The following RALYL variants were observed in gnomAD, a reference collection of about 807,000 sequenced individuals.
RALYL encodes RNA-binding Raly-like protein.
A neutral mutation model predicts 35.1 loss-of-function variants in RALYL; 29 were observed. The ratio of observed to expected loss-of-function variants is 0.83; its 90% CI spans 0.61 to 1.13. RALYL has a LOEUF of 1.13. Ranked by LOEUF, RALYL falls within the 50% of genes most tolerant of loss-of-function variation. The probability of loss-of-function intolerance (pLI) is 0.00; values close to 1 mark genes in which losing one functional copy is unlikely to be tolerated. For synonymous variants in RALYL, 120 were observed against 127.6 expected, an observed-to-expected ratio of 0.94 and a Z score of 0.40; for missense variants, 359 against 360.4, an observed-to-expected ratio of 1.00 and a Z score of 0.03.
rs1563800083 is a variant in RALYL, at chr8:84,367,331, T to A, written c.-23-161968T>A. Among the ~76,000 whole-genome samples the A allele has an allele frequency of 1.3e-3, 33 of 25,208 alleles. 4 individuals are homozygous for A. Among genetic ancestry groups the A allele is most frequent in the African/African-American group, 7.1e-3 (24 of 3,360 alleles). The allele number at this position is 25,208 out of a possible 152,430, so 16.5% of individuals were successfully genotyped here. A position where few individuals can be genotyped will look rare whatever the true frequency, so the allele number is the denominator to read the frequency against. On this transcript the variant is annotated intron_variant, in intron 1 of 8. Transcript: ENST00000521268. Reference sequence around the variant, plus strand: ...ACTAATTTTTGTATTTTTTTTTTTTTTTTTTTTTTTTTTTTTTTTTTTTTT... The same window carrying A: ...ACTAATTTTTGTATTTTTTTTTTTTATTTTTTTTTTTTTTTTTTTTTTTTT...
intron 2 of RALYL, among the ~76,000 whole-genome samples, chr8:84,597,876 A>G (rs959192335): frequency 2.6e-5 from 4 of 152,146 alleles, no homozygotes; most frequent in Admixed American, 2.6e-4. Flanking sequence ...GAAGTTTAAA[A>G]TATTTAATAT....
intron 1 of RALYL, among the ~76,000 whole-genome samples, chr8:84,497,923 G>T (rs780365220): frequency 1.1e-4 from 17 of 150,944 alleles, no homozygotes; most frequent in Admixed American, 1.1e-3. Context: ...TTACAGGTGT[G>T]AGGAACCACG....
intron 2 of RALYL, among the ~76,000 whole-genome samples, chr8:84,649,448 A>G (rs891289544): frequency 5.9e-5 from 9 of 151,476 alleles, no homozygotes; most frequent in African/African-American, 1.7e-4. Context: ...ATCTTGAATT[A>G]ATTTTTGTAT....
At chr8:84,425,539 T>A (rs1029410283) in intron 1 of RALYL, among the ~76,000 whole-genome samples, 5 of 152,202 alleles carry the variant, frequency 3.3e-5, no homozygotes, top group Non-Finnish European at 7.3e-5. Flanking sequence ...AGCTGTAGAC[T>A]GGAGCTGTTC....
chr8:84,356,074 G>A (rs1321021908), intron 1 of RALYL, among the ~76,000 whole-genome samples: 1 of 150,010 alleles, frequency 6.7e-6, no homozygotes, highest in Admixed American at 6.6e-5. Flanking sequence ...GCCACCTTGT[G>A]AAGAAGGTGC....
chr8:84,542,822 G>A (rs2060108836), intron 2 of RALYL, among the ~76,000 whole-genome samples: 1 of 152,026 alleles, frequency 6.6e-6, no homozygotes, highest in Admixed American at 6.6e-5. Flanking sequence ...TAACAATCGT[G>A]TTTTCACAGT....
intron 2 of RALYL, among the ~76,000 whole-genome samples, chr8:84,678,446 T>C (rs1196764238): frequency 1.3e-5 from 2 of 152,034 alleles, no homozygotes; most frequent in South Asian, 2.1e-4. Context: ...TTCACATTTT[T>C]AGTAGACACA....
chr8:84,745,210 A>G (rs139658205), intron 2 of RALYL, among the ~76,000 whole-genome samples: 628 of 152,060 alleles, frequency 4.1e-3, no homozygotes, highest in African/African-American at 0.014. Flanking sequence ...ATTAATGCAC[A>G]TGCTGTAATC....
chr8:84,556,209 AAG>A (rs1449631842), intron 2 of RALYL, among the ~76,000 whole-genome samples: 2 of 152,192 alleles, frequency 1.3e-5, no homozygotes, highest in African/African-American at 2.4e-5. Flanking sequence ...GAATTTTAAA[AAG>A]AGTGATATGA....
chr8:84,356,585 T>A (rs985733457), intron 1 of RALYL, among the ~76,000 whole-genome samples: 1 of 150,054 alleles, frequency 6.7e-6, no homozygotes, highest in Non-Finnish European at 1.5e-5. Flanking sequence ...CCTCCAAGAC[T>A]CCAGAAGATT....
intron 2 of RALYL, among the ~76,000 whole-genome samples, chr8:84,621,280 G>T (rs192384822): frequency 6.6e-6 from 1 of 152,322 alleles, no homozygotes; most frequent in East Asian, 1.9e-4. Flanking sequence ...TGAGCCAGGT[G>T]CAGGATATAA....
intron 2 of RALYL, among the ~76,000 whole-genome samples, chr8:84,645,268 A>ATGTTGTGTTTTTG (rs1827251669): frequency 1.3e-5 from 2 of 151,838 alleles, no homozygotes; most frequent in Non-Finnish European, 2.9e-5. Context: ...TGTTTACATC[A>ATGTTGTGTTTTTG]TTTAACTTGT....
At chr8:84,523,291 A>G (rs1337591994) in intron 1 of RALYL, among the ~76,000 whole-genome samples, 3 of 152,056 alleles carry the variant, frequency 2.0e-5, no homozygotes, top group Admixed American at 2.0e-4. Flanking sequence ...TTATAAAACC[A>G]TCAGCTCTCA....
At chr8:84,664,042 A>T (rs1409998201) in intron 2 of RALYL, among the ~76,000 whole-genome samples, 1 of 152,136 alleles carries the variant, frequency 6.6e-6, no homozygotes, top group Non-Finnish European at 1.5e-5. Context: ...ATGCCTAGTC[A>T]GTTATCTTAG....
chr8:84,574,169 A>C (rs1191132600), intron 2 of RALYL, among the ~76,000 whole-genome samples: 1 of 152,002 alleles, frequency 6.6e-6, no homozygotes, highest in Non-Finnish European at 1.5e-5. Flanking sequence ...ATATTTTAAA[A>C]GTTTTCCAAA....
chr8:84,239,553 T>C (rs1827379253), intron 1 of RALYL, among the ~76,000 whole-genome samples: 1 of 152,088 alleles, frequency 6.6e-6, no homozygotes, highest in African/African-American at 2.4e-5. Context: ...GTTAATAGCT[T>C]ACTCAAAATC....
intron 1 of RALYL, among the ~76,000 whole-genome samples, chr8:84,468,159 G>A (rs1341027906): frequency 1.3e-5 from 2 of 151,772 alleles, no homozygotes; most frequent in African/African-American, 4.8e-5. Flanking sequence ...AGTTAATATT[G>A]TTATGTGTGA....
At chr8:84,235,437 G>A (rs186192562) in intron 1 of RALYL, among the ~76,000 whole-genome samples, 13 of 152,210 alleles carry the variant, frequency 8.5e-5, no homozygotes, top group Admixed American at 7.8e-4. Context: ...GCCAATTATG[G>A]CTCCTTGAAA....
chr8:84,440,040 T>G (rs1563934738), intron 1 of RALYL, among the ~76,000 whole-genome samples: 1 of 152,100 alleles, frequency 6.6e-6, no homozygotes, highest in Non-Finnish European at 1.5e-5. Context: ...TCTTAATATC[T>G]CCATATTATT....
Sources: gnomAD v4.1 joint callset for allele counts (sites outside exome capture counted in the v4.1 genomes callset) on GRCh38, gnomAD v4.1.1 for gene constraint, MANE v1.5 for transcripts, NCBI Gene and HGNC (gene_info 2026-07-23, HGNC 2026-07-21) for gene names.